The following TNRC6B variants were observed in gnomAD, a reference collection of about 807,000 sequenced individuals.
The protein encoded by TNRC6B is trinucleotide repeat-containing gene 6B protein.
TNRC6B carries 52 observed loss-of-function variants against 203.6 expected under a neutral mutation model. The ratio of observed to expected loss-of-function variants is 0.26; its 90% CI spans 0.20 to 0.32. The LOEUF (loss-of-function observed/expected upper bound fraction) is 0.32. TNRC6B is among the 10% of genes least tolerant of loss of function. The pLI, the probability that TNRC6B is intolerant of heterozygous loss-of-function variation, is 1.00. For synonymous variants in TNRC6B, 838 were observed against 845.7 expected (o/e 0.99, Z 0.16); for missense variants, 1,923 against 2,286.2 (o/e 0.84, Z 3.24).
intron 1 of TNRC6B, among the ~76,000 whole-genome samples, chr22:40,212,752 G>A (rs1286842497): frequency 1.3e-5 from 2 of 152,028 alleles, no homozygotes; most frequent in Admixed American, 6.6e-5. Flanking sequence ...GGGTTCAAGC[G>A]ATTCTCGTGC....
intron 10 of TNRC6B, 65 bp downstream of exon 10, chr22:40,280,208 T>C: frequency 6.7e-7 from 1 of 1,489,964 alleles, no homozygotes; most frequent in Non-Finnish European, 9.2e-7. Context: ...ATTTGTCTTT[T>C]GATAACTGAT....
chr22:40,069,972 TTAAC>T (rs1477427078), intron 1 of TNRC6B, among the ~76,000 whole-genome samples: 4 of 152,198 alleles, frequency 2.6e-5, no homozygotes, highest in African/African-American at 4.8e-5. Context: ...AGAAAAAATT[TTAAC>T]TAATTATGTT....
chr22:40,296,371 G>A (rs1256838311), intron 12 of TNRC6B, among the ~76,000 whole-genome samples: 4 of 137,488 alleles, frequency 2.9e-5, no homozygotes, highest in Non-Finnish European at 6.1e-5. Flanking sequence ...TCGCTCTGTC[G>A]CCCAGGCTAG....
At chr22:40,201,663 G>A (rs6001833) in intron 1 of TNRC6B, among the ~76,000 whole-genome samples, 59,150 of 151,620 alleles carry the variant, frequency 0.39, 16,359 homozygotes, top group African/African-American at 0.78. Context: ...GGACTCAAGC[G>A]ATCCTCCCAC....
chr22:40,066,367 G>C (rs1377441119), intron 1 of TNRC6B, among the ~76,000 whole-genome samples: 1 of 152,106 alleles, frequency 6.6e-6, no homozygotes, highest in Non-Finnish European at 1.5e-5. Flanking sequence ...CGGAAGTCTT[G>C]CCTTTTCTTA....
intron 3 of TNRC6B, among the ~76,000 whole-genome samples, chr22:40,139,831 CT>C (rs1481509943): frequency 6.6e-6 from 1 of 152,154 alleles, no homozygotes; most frequent in Non-Finnish European, 1.5e-5. Flanking sequence ...TATGGTTTAA[CT>C]TTTTGAGGAA....
intron 1 of TNRC6B, among the ~76,000 whole-genome samples, chr22:40,077,770 T>C (rs936026748): frequency 3.9e-5 from 6 of 152,140 alleles, no homozygotes; most frequent in African/African-American, 1.4e-4. Flanking sequence ...GTCTTTTGTG[T>C]GTGTGTGTGT....
intron 1 of TNRC6B, among the ~76,000 whole-genome samples, chr22:40,234,053 ATGCAGGAGTAT>A (rs1179225563): frequency 6.6e-6 from 1 of 152,180 alleles, no homozygotes; most frequent in Admixed American, 6.5e-5. Context: ...TGAGAGGCCG[ATGCAGGAGTAT>A]TGCTTGAGTC....
chr22:40,261,797 A>G, intron 3 of TNRC6B, 35 bp from the exon 4 acceptor site: 1 of 1,433,286 alleles, frequency 7.0e-7, no homozygotes, highest in African/African-American at 1.4e-5. Context: ...TATTTGATGT[A>G]TTTCAAAGAC....
At chr22:40,088,711 T>C (rs988932217) in intron 1 of TNRC6B, among the ~76,000 whole-genome samples, 5 of 151,378 alleles carry the variant, frequency 3.3e-5, no homozygotes, top group Non-Finnish European at 5.9e-5. Context: ...CACCTTGGCC[T>C]CCTGAAGTGC....
intron 3 of TNRC6B, among the ~76,000 whole-genome samples, chr22:40,150,854 C>T (rs774027723): frequency 2.0e-5 from 3 of 152,172 alleles, no homozygotes; most frequent in Non-Finnish European, 4.4e-5. Context: ...CTGTAGGCAT[C>T]TGAAGGTCCT....
intron 1 of TNRC6B, among the ~76,000 whole-genome samples, chr22:40,178,462 AAC>A (rs1303298794): frequency 1.3e-5 from 2 of 152,346 alleles, no homozygotes; most frequent in African/African-American, 4.8e-5. Context: ...GTTTTTAAAA[AAC>A]ACAGACCTCC....
At chr22:40,142,941 A>C (rs943638951) in intron 3 of TNRC6B, among the ~76,000 whole-genome samples, 1 of 152,248 alleles carries the variant, frequency 6.6e-6, no homozygotes, top group Admixed American at 6.5e-5. Context: ...GAGGTGTATC[A>C]CAGAGCTAAC....
intron 1 of TNRC6B, among the ~76,000 whole-genome samples, chr22:40,095,256 AT>A (rs2146300083): frequency 6.6e-6 from 1 of 152,254 alleles, no homozygotes; most frequent in South Asian, 2.1e-4. Context: ...ATAAAGATTT[AT>A]TTTTTCCTAC....
At chr22:40,084,682 T>C (rs779077886) in intron 1 of TNRC6B, among the ~76,000 whole-genome samples, 1 of 152,162 alleles carries the variant, frequency 6.6e-6, no homozygotes, top group Non-Finnish European at 1.5e-5. Flanking sequence ...GCAGTTAATA[T>C]AAAGGCTCTG....
At chr22:40,254,686 G>A (rs1257758305) in intron 3 of TNRC6B, among the ~76,000 whole-genome samples, 1 of 152,166 alleles carries the variant, frequency 6.6e-6, no homozygotes, top group Non-Finnish European at 1.5e-5. Flanking sequence ...AGGAGATCGA[G>A]ACCTTCCTGG....
chr22:40,316,795 G>T (rs766212677), intron 21 of TNRC6B, among the ~76,000 whole-genome samples: 9 of 152,172 alleles, frequency 5.9e-5, no homozygotes, highest in Non-Finnish European at 1.2e-4. Context: ...CTTCATGCCT[G>T]CCTTCAAGAT....
intron 1 of TNRC6B, among the ~76,000 whole-genome samples, chr22:40,185,837 G>C (rs1484380512): frequency 6.6e-6 from 1 of 152,148 alleles, no homozygotes; most frequent in Non-Finnish European, 1.5e-5. Flanking sequence ...TAAAAGGACT[G>C]TTATGAAAGG....
At chr22:40,201,671 C>T (rs909804642) in intron 1 of TNRC6B, among the ~76,000 whole-genome samples, 25 of 151,884 alleles carry the variant, frequency 1.6e-4, no homozygotes, top group African/African-American at 6.0e-4. Context: ...GCGATCCTCC[C>T]ACCTCGGCCT....
Sources: allele counts gnomAD v4.1 joint callset (sites outside exome capture counted in the v4.1 genomes callset), GRCh38; gene constraint gnomAD v4.1.1; transcripts MANE v1.5; gene names NCBI Gene and HGNC (gene_info 2026-07-23, HGNC 2026-07-21).